The following RNF170 variants were observed in gnomAD, a reference collection of about 807,000 sequenced individuals.
RNF170 encodes the protein E3 ubiquitin-protein ligase RNF170.
In RNF170, 12 loss-of-function variants were observed where a neutral mutation model predicts 32.7. That is an observed-to-expected ratio of 0.37 (90% confidence interval 0.24 to 0.60). The LOEUF is 0.60. Among genes scored for constraint, RNF170 ranks in the 20% least tolerant of loss-of-function variants. RNF170 has a pLI of 0.72. For synonymous variants in RNF170, 91 were observed against 103.6 expected (o/e 0.88, Z 0.74); for missense variants, 212 against 311.2 (o/e 0.68, Z 2.40).
At chr8:42,856,881 CTG>C (rs1159438830) in intron 6 of RNF170, among the ~76,000 whole-genome samples, 3 of 152,286 alleles carry the variant, frequency 2.0e-5, no homozygotes, top group East Asian at 3.9e-4. Context: ...CAACAACTAA[CTG>C]TGTATTTATG....
intron 4 of RNF170, among the ~76,000 whole-genome samples, chr8:42,866,693 C>T (rs1204735977): frequency 6.6e-6 from 1 of 152,022 alleles, no homozygotes. Flanking sequence ...TCAACTCTTG[C>T]ACTAGATGGA....
chr8:42,872,480 G>T (rs758654445), intron 3 of RNF170, among the ~76,000 whole-genome samples: 6 of 152,106 alleles, frequency 3.9e-5, no homozygotes, highest in Admixed American at 2.0e-4. Context: ...CTCACTCTCT[G>T]TCACCAGGCT....
chr8:42,892,569 T>C (rs997204272), intron 1 of RNF170, among the ~76,000 whole-genome samples: 8 of 152,152 alleles, frequency 5.3e-5, no homozygotes, highest in Non-Finnish European at 1.2e-4. Flanking sequence ...ACCCTCAAAA[T>C]TTTATTATTA....
chr8:42,869,296 T>A (rs376439624), intron 4 of RNF170, among the ~76,000 whole-genome samples: 1 of 152,192 alleles, frequency 6.6e-6, no homozygotes, highest in African/African-American at 2.4e-5. Context: ...TACATAGGCA[T>A]GTAATAACTG....
rs770849814 is a variant in RNF170 at position 42,870,080 on chromosome 8, G to A, written c.246C>T (p.Tyr82=). 1.9e-6 allele frequency: 3 copies of A among 1,614,152 alleles called. No homozygotes were observed. The highest frequency in any genetic ancestry group is 1.1e-5 in the South Asian group (1 of 91,068). ...DAPAATRQQF[Y]TDMYCPICLH... The stretch of plus-strand genomic sequence containing the variant: ...GGCAGATGGGACAGTACATGTCAGT[G>A]TAGAACTGCTGTCGAGTGGCAGCAG... The change falls in exon 4 of 7, where the codon TAC becomes TAT. Residue 82 remains tyrosine (Y), a synonymous_variant. Coordinates refer to ENST00000527424, the MANE Select transcript of RNF170 (RefSeq NM_030954.4).
chr8:42,866,162 T>G (rs1804063491), intron 4 of RNF170, among the ~76,000 whole-genome samples: 1 of 152,200 alleles, frequency 6.6e-6, no homozygotes, highest in African/African-American at 2.4e-5. Context: ...AAATTTTCTG[T>G]TCTAAATTTG....
At chr8:42,853,052 G>T (rs970294271), downstream of RNF170, among the ~76,000 whole-genome samples, 1 of 151,684 alleles carries the variant, frequency 6.6e-6, no homozygotes, top group African/African-American at 2.4e-5. Flanking sequence ...CTGGAGCCCA[G>T]GAATTCGAGG....
At position 42,868,365 on chromosome 8, in the gene RNF170, C is replaced by G. The variant is rs1804272323; in HGVS notation, c.322+1639G>C. Among the ~76,000 whole-genome samples the G allele has an allele frequency of 2.6e-5, 4 of 152,264 alleles. 1 individual carries two copies. In the South Asian group the frequency reaches 8.3e-4, roughly 32 times the overall value. On this transcript the variant is annotated intron_variant, in intron 4 of 6. Coordinates refer to ENST00000527424, the MANE Select transcript of RNF170 (RefSeq NM_030954.4). ...TATATGCTACATGTTAAATTAGTCC[C>G]TATATGAAAATTTCCTACATTTTGG...
chr8:42,887,585 G>A lies in RNF170; in HGVS notation c.137+143C>T, dbSNP rs565839657. The A allele has an allele frequency of 1.6e-4, 122 of 763,614 alleles. No individual in the cohort carries two copies. In the African/African-American group the frequency reaches 1.7e-3, roughly 11 times the overall value. The allele number at this position is 763,614 out of a possible 1,614,324, so 47.3% of individuals were successfully genotyped here. A position where few individuals can be genotyped will look rare whatever the true frequency, so the allele number is the denominator to read the frequency against. The stretch of plus-strand genomic sequence containing the variant: ...AATATATGTTAGCATTCAAAGCCCC[G>A]TGGAAAATAAAATACCTTAGTAAAC... On this transcript the variant is annotated intron_variant, in intron 2 of 6. Coordinates refer to ENST00000527424, the MANE Select transcript of RNF170 (RefSeq NM_030954.4).
At chr8:42,867,708 G>A (rs1804207206) in intron 4 of RNF170, among the ~76,000 whole-genome samples, 1 of 146,938 alleles carries the variant, frequency 6.8e-6, no homozygotes, top group Non-Finnish European at 1.5e-5. Context: ...CCCGGGAGGC[G>A]GAGCTTGCAG....
chr8:42,855,831 C>A lies in RNF170; in HGVS notation c.*328G>T. On this transcript the variant is annotated 3_prime_UTR_variant, in exon 7 of 7. Coordinates refer to ENST00000527424, the MANE Select transcript of RNF170 (RefSeq NM_030954.4). ...TGACATTTAACAATATTTTACTATA[C>A]ATCTAATTAATCTAAGTAATTCTGG... 1 of 1,214,788 alleles carries A rather than the reference C, an allele frequency of 8.2e-7. No individual in the cohort carries two copies. Among genetic ancestry groups the A allele is most frequent in the Non-Finnish European group, 1.1e-6 (1 of 930,946 alleles). 75.3% of individuals were successfully genotyped at this position (1,214,788 alleles called of 1,614,324 possible). A position where few individuals can be genotyped will look rare whatever the true frequency, so the allele number is the denominator to read the frequency against.
At chr8:42,887,276 A>C (rs1440125939) in intron 2 of RNF170, among the ~76,000 whole-genome samples, 1 of 152,150 alleles carries the variant, frequency 6.6e-6, no homozygotes, top group Non-Finnish European at 1.5e-5. Flanking sequence ...TGGACGACAC[A>C]TTGAGACTCC....
At chr8:42,871,864 C>G (rs1804548130) in intron 3 of RNF170, among the ~76,000 whole-genome samples, 1 of 152,130 alleles carries the variant, frequency 6.6e-6, no homozygotes. Context: ...CAGCCTTCTC[C>G]TTATTAATTT....
intron 6 of RNF170, among the ~76,000 whole-genome samples, chr8:42,859,831 GTAGAGACAAAGTCTTGC>G (rs1803524929): frequency 6.6e-6 from 1 of 151,992 alleles, no homozygotes; most frequent in South Asian, 2.1e-4. Flanking sequence ...GTATTTTTTG[GTAGAGACAAAGTCTTGC>G]TAAGTTGCCC....
intron 2 of RNF170, among the ~76,000 whole-genome samples, chr8:42,874,584 A>G (rs1804770749): frequency 6.6e-6 from 1 of 151,928 alleles, no homozygotes; most frequent in South Asian, 2.1e-4. Context: ...TTTACTAAAA[A>G]TACAAAAATT....
At chr8:42,885,911 C>A (rs1805779141) in intron 2 of RNF170, among the ~76,000 whole-genome samples, 1 of 152,020 alleles carries the variant, frequency 6.6e-6, no homozygotes, top group South Asian at 2.1e-4. Flanking sequence ...GATGCACCAC[C>A]ACGCCTGCCT....
upstream of RNF170, chr8:42,897,193 G>A: frequency 8.0e-7 from 1 of 1,245,384 alleles, no homozygotes; most frequent in Non-Finnish European, 1.0e-6. Context: ...ACTTGGGTAC[G>A]TGGGGGCCGC....
rs778309545 is a variant in RNF170, at chr8:42,896,538, T to C, written c.-62A>G. ...GTTCCCGGCGACAGAGGACAGATTA[T>C]TTCCAGGACCGCTCCCGCCACCCCT... On this transcript the variant is annotated 5_prime_UTR_variant, in exon 1 of 7. Coordinates refer to ENST00000527424, the MANE Select transcript of RNF170 (RefSeq NM_030954.4). The C allele has an allele frequency of 5.3e-5, 24 of 453,688 alleles. No homozygotes were observed. The highest frequency in any genetic ancestry group is 7.1e-5 in the Non-Finnish European group (16 of 226,682). The allele number at this position is 453,688 out of a possible 1,614,324, so 28.1% of individuals were successfully genotyped here. A position where few individuals can be genotyped will look rare whatever the true frequency, so the allele number is the denominator to read the frequency against.
intron 6 of RNF170, among the ~76,000 whole-genome samples, chr8:42,857,962 G>T (rs909674073): frequency 1.3e-5 from 2 of 152,172 alleles, no homozygotes; most frequent in South Asian, 4.2e-4. Context: ...TTGAACCCAG[G>T]AGACAGAGGT....
Sources: allele counts gnomAD v4.1 joint callset (sites outside exome capture counted in the v4.1 genomes callset), GRCh38; gene constraint gnomAD v4.1.1; transcripts MANE v1.5; gene names NCBI Gene and HGNC (gene_info 2026-07-23, HGNC 2026-07-21).